Variants in TMEM259 observed in about 807,000 individuals in gnomAD.
TMEM259 encodes transmembrane protein 259.
TMEM259 carries 26 observed loss-of-function variants against 46.7 expected under a neutral mutation model. The ratio of observed to expected loss-of-function variants is 0.56; its 90% CI spans 0.41 to 0.77. The LOEUF is 0.77. TMEM259 is among the 30% of genes least tolerant of loss of function. The probability of loss-of-function intolerance (pLI) is 0.00; values close to 1 mark genes in which losing one functional copy is unlikely to be tolerated. For missense variants in TMEM259, 930 were observed against 900.5 expected, an observed-to-expected ratio of 1.03 and a Z score of -0.42; for synonymous variants, 494 against 395.1, an observed-to-expected ratio of 1.25 and a Z score of -2.97.
chr19:1,015,660 T>G (rs1480076934), intron 1 of TMEM259, among the ~76,000 whole-genome samples: 1 of 152,130 alleles, frequency 6.6e-6, no homozygotes, highest in Non-Finnish European at 1.5e-5. Flanking sequence ...AACCCCAGAC[T>G]CTCAGGGAAG....
chr19:1,018,101 C>CA (rs1479911044), intron 1 of TMEM259, among the ~76,000 whole-genome samples: 4 of 152,230 alleles, frequency 2.6e-5, no homozygotes, highest in Non-Finnish European at 5.9e-5. Context: ...ACCCTGTGGG[C>CA]ATCCACTTGG....
chr19:1,019,059 T>C (rs533970037), intron 1 of TMEM259, among the ~76,000 whole-genome samples: 1 of 151,302 alleles, frequency 6.6e-6, no homozygotes, highest in African/African-American at 2.4e-5. Flanking sequence ...AGAGGAGGGA[T>C]TGGGGTTACT....
Position 1,011,777 on chromosome 19 carries a change from G to A in TMEM259, c.964C>T (p.Leu322=), listed in dbSNP as rs1263207507. Residue 322 remains leucine (L), a synonymous_variant, in exon 7 of 11, where the codon CTG becomes TTG. Coordinates refer to ENST00000356663, the MANE Select transcript of TMEM259 (RefSeq NM_001033026.2). ...AAGATCTGGTGGTGTGAGTACCGCA[G>A]CAGCATGGACACGCTCAGCGTCTGC... ...VIFTLSVSML[L]RYSHHQIFVF... The A allele has an allele frequency of 2.6e-6, 4 of 1,568,032 alleles. No individual in the cohort carries two copies. The highest frequency in any genetic ancestry group is 3.5e-6 in the Non-Finnish European group (4 of 1,156,156).
intron 1 of TMEM259, chr19:1,017,229 G>A (rs756597828): frequency 1.0e-5 from 4 of 399,618 alleles, no homozygotes; most frequent in African/African-American, 4.1e-5. Flanking sequence ...TGAGCCACAC[G>A]CCCAGGCAGC....
At chr19:1,013,634 A>C in intron 2 of TMEM259, 1 of 352,184 alleles carries the variant, frequency 2.8e-6, no homozygotes. Context: ...CTGCCCAAAC[A>C]CTCAAACTCT....
chr19:1,012,346 CG>C, intron 4 of TMEM259, 116 bp downstream of exon 4: 1 of 1,494,922 alleles, frequency 6.7e-7, no homozygotes, highest in Non-Finnish European at 8.9e-7. Flanking sequence ...GTGCCTGGGG[CG>C]GGGCAGACCC....
intron 1 of TMEM259, among the ~76,000 whole-genome samples, chr19:1,019,545 G>A (rs2039219199): frequency 6.6e-6 from 1 of 152,230 alleles, no homozygotes; most frequent in South Asian, 2.1e-4. Context: ...TCTGGCCTGG[G>A]GAGGCACGGA....
rs1039760809 is a variant in TMEM259, at chr19:1,020,008, C to T, written c.225+764G>A. 6.6e-6 allele frequency among the ~76,000 whole-genome samples: 1 copy of T among 151,744 alleles called. No homozygotes were observed. Among genetic ancestry groups the T allele is most frequent in the Admixed American group, 6.6e-5 (1 of 15,236 alleles). ...TGAGGAGGGCGGGAGGGGGACAGAG[C>T]CCAAGACGCGGAGGCCGGTGCCTCA... On this transcript the variant is annotated intron_variant, in intron 1 of 10. Transcript: ENST00000356663. This position sits in a 1 kb window ranked among gnomAD's most constrained non-coding sequence, Gnocchi z 4.0.
intron 1 of TMEM259, among the ~76,000 whole-genome samples, chr19:1,018,255 TG>T (rs1336444768): frequency 6.6e-6 from 1 of 152,158 alleles, no homozygotes; most frequent in Non-Finnish European, 1.5e-5. Flanking sequence ...CGAGGGCCCC[TG>T]GAACACAGGC....
At position 1,014,234 on chromosome 19, in the gene TMEM259, C is replaced by T. The variant is rs2039032790; in HGVS notation, c.465G>A (p.Glu155=). The T allele has an allele frequency of 6.2e-7, 1 of 1,612,458 alleles. No individual in the cohort carries two copies. Among genetic ancestry groups the T allele is most frequent in the Non-Finnish European group, 8.5e-7 (1 of 1,179,030 alleles). The change falls in exon 2 of 11, where the codon GAG becomes GAA. Residue 155 remains glutamate, a synonymous_variant. Coordinates refer to ENST00000356663, the MANE Select transcript of TMEM259 (RefSeq NM_001033026.2). ...GSNLDMEDEE[E]EELTMEMFGN... ...CAAACATCTCCATGGTCAGCTCTTC[C>T]TCCTCCTCATCTTCCATGTCCAGGT...
Position 1,012,042 on chromosome 19 carries a change from C to T in TMEM259, c.841+24G>A, listed in dbSNP as rs759853360. On this transcript the variant is annotated intron_variant, in intron 5 of 10. Coordinates refer to ENST00000356663, the MANE Select transcript of TMEM259 (RefSeq NM_001033026.2). ...CCCGCCCCCACCCGCGCCCTCGCAC[C>T]CTCGGCCCCGGGGCATGCCTCACCC... is the stretch of plus-strand genomic sequence containing the variant. 20 of 1,611,872 alleles carry T rather than the reference C, an allele frequency of 1.2e-5. No individual in the cohort carries two copies. In the East Asian group the frequency reaches 3.6e-4, roughly 29 times the overall value.
Position 1,012,172 on chromosome 19 carries a change from C to T in TMEM259, c.735G>A (p.Gln245=), listed in dbSNP as rs1369110107. 6.9e-6 allele frequency: 11 copies of T among 1,604,184 alleles called. No homozygotes were observed. The highest frequency in any genetic ancestry group is 7.7e-6 in the Non-Finnish European group (9 of 1,176,178). ...GGCGGCTGAAGCGGTCCCCGAAGCACTGGTCCCGCGTGGGGTCTGCGGGTG... is the reference window on the plus strand; with the variant it reads ...GGCGGCTGAAGCGGTCCCCGAAGCATTGGTCCCGCGTGGGGTCTGCGGGTG... ...MVVTLDPTRD[Q]CFGDRFSRLL... Residue 245 remains glutamine, a synonymous_variant, in exon 5 of 11, where the codon CAG becomes CAA. Coordinates refer to ENST00000356663, the MANE Select transcript of TMEM259 (RefSeq NM_001033026.2).
At chr19:1,013,904 C>A (rs764514952) in intron 2 of TMEM259, among the ~76,000 whole-genome samples, 2 of 152,060 alleles carry the variant, frequency 1.3e-5, no homozygotes, top group South Asian at 4.1e-4. Flanking sequence ...CCCAGCCAAT[C>A]CCCTCCCCGG....
intron 2 of TMEM259, 47 bp from the exon 3 acceptor site, chr19:1,013,387 G>C (rs1250185582): frequency 1.3e-6 from 2 of 1,583,368 alleles, no homozygotes; most frequent in Admixed American, 3.3e-5. Context: ...AGCCCGGGCT[G>C]TGAGGGCCCA....
intron 1 of TMEM259, among the ~76,000 whole-genome samples, chr19:1,018,756 C>T (rs972333366): frequency 9.2e-5 from 14 of 152,102 alleles, no homozygotes; most frequent in Admixed American, 2.0e-4. Flanking sequence ...GAGGCCGAGG[C>T]GGGCAGATCA....
rs186635904 is a variant in TMEM259, at chr19:1,020,272, G to C, written c.225+500C>G. 3.9e-3 allele frequency among the ~76,000 whole-genome samples: 591 copies of C among 152,086 alleles called. 2 individuals carry two copies. The highest frequency in any genetic ancestry group is 0.017 in the Middle Eastern group (5 of 294). On this transcript the variant is annotated intron_variant, in intron 1 of 10. Coordinates refer to ENST00000356663, the MANE Select transcript of TMEM259 (RefSeq NM_001033026.2). This position sits in a 1 kb window ranked among gnomAD's most constrained non-coding sequence, Gnocchi z 4.0. ...GTGGGGAGTCGACTTCCAGGACAGG[G>C]GTTGGTCCGAGGGAGACCTGCGTCA...
Position 1,010,435 on chromosome 19 carries a change from T to A in TMEM259, c.1778A>T (p.Asp593Val). The change falls in exon 11 of 11, where the codon GAC becomes GTC. Residue 593 changes from aspartate to valine, a missense_variant. Asp to Val is a radical substitution (Grantham distance 152). Coordinates refer to ENST00000356663, the MANE Select transcript of TMEM259 (RefSeq NM_001033026.2). ...TACCGCAGCCCCCAGGGGAGTTGTGTCAGAAGCTGCGGAGTCACTCGGGGG... is the reference window on the plus strand; with the variant it reads ...TACCGCAGCCCCCAGGGGAGTTGTGACAGAAGCTGCGGAGTCACTCGGGGG... ...SVPPSDSAAS[D>V]TTPLGAAVGG... 6.5e-7 allele frequency: 1 copy of A among 1,533,478 alleles called. No individual in the cohort carries two copies. Among genetic ancestry groups the A allele is most frequent in the Non-Finnish European group, 8.8e-7 (1 of 1,141,572 alleles). 95.0% of individuals were successfully genotyped at this position (1,533,478 alleles called of 1,614,324 possible).
intron 3 of TMEM259, 21 bp downstream of exon 3, chr19:1,013,220 C>CACCTTTGGTGGGTGGCCT (rs777411589): frequency 6.8e-6 from 11 of 1,608,034 alleles, no homozygotes; most frequent in East Asian, 4.5e-5. Context: ...TGAGGCAGTA[C>CACCTTTGGTGGGTGGCCT]ACCTTTGGTG....
At chr19:1,011,047 C>T (rs752076857) in intron 10 of TMEM259, 49 bp downstream of exon 10, 1 of 1,557,616 alleles carries the variant, frequency 6.4e-7, no homozygotes, top group Non-Finnish European at 8.7e-7. Flanking sequence ...GCCTCTCCTG[C>T]CTGGAAAGGC....
Sources: allele counts gnomAD v4.1 joint callset (sites outside exome capture counted in the v4.1 genomes callset), GRCh38; gene constraint gnomAD v4.1.1; non-coding constraint Gnocchi (gnomAD v3.1); transcripts MANE v1.5; gene names NCBI Gene and HGNC (gene_info 2026-07-23, HGNC 2026-07-21).